KIF21A: variants seen among roughly 807,000 people sequenced by gnomAD.
KIF21A encodes kinesin family member 21A.
A neutral mutation model predicts 202.9 loss-of-function variants in KIF21A; 114 were observed. The observed-to-expected ratio is 0.56, with a 90% confidence interval of 0.48 to 0.66. KIF21A has a LOEUF of 0.66. KIF21A is among the 30% of genes least tolerant of loss of function. The pLI is 0.00. For synonymous variants in KIF21A, 667 were observed against 670.8 expected, an observed-to-expected ratio of 0.99 and a Z score of 0.09; for missense variants, 1,677 against 1,994.9, an observed-to-expected ratio of 0.84 and a Z score of 3.04.
In KIF21A at chr12:39,367,139, G is replaced by T. The variant is rs771004518; in HGVS notation, c.626C>A (p.Ala209Asp). ...SEMMQCLKLG[A>D]LSRTTASTQM... ...GGTACTGGCAGTTGTCCGGGATAAA[G>T]CACCCAACTTCAAACACTGCATCAT... Residue 209 changes from alanine (A) to aspartate (D), a missense_variant, in exon 5 of 38, where the codon GCT (alanine) becomes GAT (aspartate). Transcript: ENST00000361418. 1 of 1,613,888 alleles carries T rather than the reference G, an allele frequency of 6.2e-7. No homozygotes were observed. The highest frequency in any genetic ancestry group is 8.5e-7 in the Non-Finnish European group (1 of 1,179,860).
intron 29 of KIF21A, among the ~76,000 whole-genome samples, chr12:39,316,212 A>G (rs949660821): frequency 3.9e-5 from 6 of 152,112 alleles, no homozygotes; most frequent in Non-Finnish European, 8.8e-5. Flanking sequence ...TCTAATACTG[A>G]TATACAAAAT....
chr12:39,426,041 T>C (rs1954717292), intron 1 of KIF21A, among the ~76,000 whole-genome samples: 1 of 152,098 alleles, frequency 6.6e-6, no homozygotes, highest in South Asian at 2.1e-4. Context: ...CTTGGGTCTT[T>C]GGGTCTTTGA....
chr12:39,355,707 T>TTTTATATATATATATATATATATA (rs1351512351), intron 10 of KIF21A, among the ~76,000 whole-genome samples: 36 of 101,222 alleles, frequency 3.6e-4, no homozygotes, highest in African/African-American at 1.2e-3. Flanking sequence ...GCATGAACAA[T>TTTTATATATATATATATATATATA]TATATATATA....
At chr12:39,441,202 C>A (rs576955701) in intron 1 of KIF21A, among the ~76,000 whole-genome samples, 1 of 152,146 alleles carries the variant, frequency 6.6e-6, no homozygotes, top group African/African-American at 2.4e-5. Context: ...AACATACACA[C>A]CAAAACAAAA....
chr12:39,314,801 T>C (rs775166415), intron 31 of KIF21A, among the ~76,000 whole-genome samples: 2 of 151,904 alleles, frequency 1.3e-5, no homozygotes, highest in African/African-American at 4.8e-5. Flanking sequence ...CAGTAACTTA[T>C]GTATGGCACA....
intron 1 of KIF21A, among the ~76,000 whole-genome samples, chr12:39,430,794 G>T (rs1031079256): frequency 6.6e-6 from 1 of 151,816 alleles, no homozygotes; most frequent in African/African-American, 2.4e-5. Flanking sequence ...AGGGCCTTTG[G>T]GAGATAATAA....
chr12:39,358,458 A>T lies in KIF21A; in HGVS notation c.1020-85T>A. On this transcript the variant is annotated intron_variant, in intron 7 of 37. Transcript: ENST00000361418. Reference sequence around the variant, plus strand: ...TCATTTTTAAATTCCTAACATTTGAATAGTATCTTCTCTTCAAGATACCAA... The same window carrying T: ...TCATTTTTAAATTCCTAACATTTGATTAGTATCTTCTCTTCAAGATACCAA... 3 of 1,240,720 alleles carry T rather than the reference A, an allele frequency of 2.4e-6. No homozygotes were observed. In the Admixed American group the frequency reaches 5.1e-5, roughly 21 times the overall value. 76.9% of individuals were successfully genotyped at this position (1,240,720 alleles called of 1,614,324 possible).
At chr12:39,421,843 C>T (rs934490418) in intron 1 of KIF21A, among the ~76,000 whole-genome samples, 1 of 143,412 alleles carries the variant, frequency 7.0e-6, no homozygotes, top group Non-Finnish European at 1.5e-5. Flanking sequence ...TATATAATTA[C>T]ATATATAATT....
intron 1 of KIF21A, among the ~76,000 whole-genome samples, chr12:39,384,592 C>T (rs1199185995): frequency 6.6e-6 from 1 of 152,086 alleles, no homozygotes; most frequent in Non-Finnish European, 1.5e-5. Flanking sequence ...GCTTTTTTTC[C>T]CCCTTAAGCA....
Position 39,320,013 on chromosome 12 carries a change from A to G in KIF21A, c.3672T>C (p.Ile1224=). Reference sequence around the variant, plus strand: ...TTTCTGATAGAGATGACTGCCTGGAACTAAAGTAAAAGAAGATTCTTTAAT... The same window carrying G: ...TTTCTGATAGAGATGACTGCCTGGAGCTAAAGTAAAAGAAGATTCTTTAAT... ...PPGLPSKIGS[I]SRQSSLSEKK... is the part of the protein sequence containing the mutation. Residue 1224 remains isoleucine (I), a splice_region_variant and synonymous_variant, in exon 28 of 38, where the codon ATT becomes ATC. Coordinates refer to ENST00000361418, the MANE Select transcript of KIF21A (RefSeq NM_001173464.2). The G allele has an allele frequency of 6.4e-7, 1 of 1,554,212 alleles. No homozygotes were observed. The highest frequency in any genetic ancestry group is 8.9e-7 in the Non-Finnish European group (1 of 1,128,720).
intron 1 of KIF21A, among the ~76,000 whole-genome samples, chr12:39,371,296 C>A (rs1949938970): frequency 6.6e-6 from 1 of 152,172 alleles, no homozygotes; most frequent in South Asian, 2.1e-4. Flanking sequence ...GTTCTAATAT[C>A]TTCTCTCCAA....
chr12:39,352,382 A>G (rs927311718), intron 10 of KIF21A, among the ~76,000 whole-genome samples: 1 of 152,304 alleles, frequency 6.6e-6, no homozygotes, highest in African/African-American at 2.4e-5. Flanking sequence ...CAAAATAATA[A>G]AAATAATCAT....
intron 37 of KIF21A, among the ~76,000 whole-genome samples, chr12:39,296,015 G>GT (rs1942311793): frequency 5.4e-5 from 1 of 18,440 alleles, no homozygotes; most frequent in Non-Finnish European, 1.1e-4. Context: ...TGGTTTTTTT[G>GT]TTTGTTTGTT....
At chr12:39,432,475 AAAC>A (rs1938073535) in intron 1 of KIF21A, among the ~76,000 whole-genome samples, 1 of 152,210 alleles carries the variant, frequency 6.6e-6, no homozygotes, top group Non-Finnish European at 1.5e-5. Flanking sequence ...TGCCCTTACT[AAAC>A]AATAAAGTCA....
chr12:39,440,035 T>C (rs1266776697), intron 1 of KIF21A, among the ~76,000 whole-genome samples: 2 of 152,206 alleles, frequency 1.3e-5, no homozygotes, highest in African/African-American at 2.4e-5. Flanking sequence ...CGATTTTGTA[T>C]TGATTTATTT....
chr12:39,343,482 A>C (rs1285293073), intron 12 of KIF21A, among the ~76,000 whole-genome samples: 1 of 152,212 alleles, frequency 6.6e-6, no homozygotes, highest in African/African-American at 2.4e-5. Flanking sequence ...TTATCAGAAT[A>C]GCTTAATAAC....
rs199795220 is a variant in KIF21A at position 39,332,383 on chromosome 12, C to T, written c.2882G>A (p.Arg961Gln). ...CTCCCTTCTTTTTGAAAGTTTCTCT[C>T]GTCTTTTTGTGAGTTCCTCCCGTTG... ...LKQREELTKR[R>Q]EKLSKRREKI... is the part of the protein sequence containing the mutation. The change falls in exon 21 of 38, where the codon CGA becomes CAA. Residue 961 changes from arginine to glutamine, a missense_variant. By Grantham distance (43) the Arg-to-Gln change is conservative. Transcript: ENST00000361418. 60 of 1,613,828 alleles carry T rather than the reference C, an allele frequency of 3.7e-5. No individual in the cohort carries two copies. The Middle Eastern group carries it at 8.2e-4, about 22-fold the overall frequency.
intron 1 of KIF21A, among the ~76,000 whole-genome samples, chr12:39,388,238 T>G (rs1000891682): frequency 6.6e-6 from 1 of 152,120 alleles, no homozygotes; most frequent in Non-Finnish European, 1.5e-5. Context: ...AAGAACTGAT[T>G]GTTAAAAAGA....
intron 13 of KIF21A, 116 bp from the exon 14 acceptor site, chr12:39,341,738 T>C (rs1947460808): frequency 8.8e-7 from 1 of 1,142,572 alleles, no homozygotes; most frequent in Non-Finnish European, 1.3e-6. Context: ...TCACTTGTCA[T>C]CAGTATAAAA....
Sources: allele counts gnomAD v4.1 joint callset (sites outside exome capture counted in the v4.1 genomes callset), GRCh38; gene constraint gnomAD v4.1.1; transcripts MANE v1.5; gene names NCBI Gene and HGNC (gene_info 2026-07-23, HGNC 2026-07-21).